The following AGBL4 variants were observed in gnomAD, a reference collection of about 807,000 sequenced individuals.
The protein encoded by AGBL4 is AGBL carboxypeptidase 4.
Under a neutral mutation model 66.4 loss-of-function variants are expected in AGBL4, and 58 were observed. The ratio of observed to expected loss-of-function variants is 0.87; its 90% confidence interval spans 0.71 to 1.09. The LOEUF is 1.09. AGBL4 is among the 50% of genes least tolerant of loss of function. AGBL4 has a pLI of 0.00. For synonymous variants in AGBL4, 234 were observed against 222.9 expected (o/e 1.05, Z -0.44); for missense variants, 579 against 631.0 (o/e 0.92, Z 0.88).
chr1:49,827,286 TA>T (rs1327099563), intron 2 of AGBL4, among the ~76,000 whole-genome samples: 10 of 151,844 alleles, frequency 6.6e-5, no homozygotes, highest in Non-Finnish European at 2.9e-5. Flanking sequence ...AAAAATCAGT[TA>T]AAAACATTAA....
At chr1:49,158,289 A>G (rs1179591359) in intron 4 of AGBL4, among the ~76,000 whole-genome samples, 1 of 152,200 alleles carries the variant, frequency 6.6e-6, no homozygotes, top group Non-Finnish European at 1.5e-5. Context: ...CATGACAAAA[A>G]CACCAAAAGC....
At chr1:49,014,194 C>T (rs1662651937) in intron 5 of AGBL4, among the ~76,000 whole-genome samples, 1 of 152,182 alleles carries the variant, frequency 6.6e-6, no homozygotes, top group Admixed American at 6.5e-5. Flanking sequence ...GGAATCTTGT[C>T]AACTAAGGTT....
intron 2 of AGBL4, among the ~76,000 whole-genome samples, chr1:49,735,244 T>C (rs1649768725): frequency 6.6e-6 from 1 of 151,524 alleles, no homozygotes; most frequent in Admixed American, 6.6e-5. Context: ...ATTATCCAGG[T>C]AAGCTCATTG....
intron 8 of AGBL4, among the ~76,000 whole-genome samples, chr1:48,645,490 G>C (rs1377701352): frequency 6.6e-6 from 1 of 152,170 alleles, no homozygotes; most frequent in Non-Finnish European, 1.5e-5. Context: ...AGGCTGAGGA[G>C]AGCTCAATGT....
chr1:48,966,504 T>C (rs186872707), intron 5 of AGBL4, among the ~76,000 whole-genome samples: 58 of 152,246 alleles, frequency 3.8e-4, no homozygotes, highest in African/African-American at 1.3e-3. Context: ...AAACAGTCAT[T>C]GAGAGTCTTA....
chr1:48,707,092 G>A (rs1291047065), intron 6 of AGBL4, among the ~76,000 whole-genome samples: 3 of 152,168 alleles, frequency 2.0e-5, no homozygotes, highest in Admixed American at 1.3e-4. Flanking sequence ...CCGGGAGTTC[G>A]AGACCAGCCT....
chr1:49,855,908 A>G (rs906112858), intron 1 of AGBL4, among the ~76,000 whole-genome samples: 3 of 152,144 alleles, frequency 2.0e-5, no homozygotes, highest in African/African-American at 7.2e-5. Flanking sequence ...TCAAAGCAGA[A>G]CTAAGCAAAA....
At chr1:49,095,313 T>C (rs1645075263) in intron 4 of AGBL4, among the ~76,000 whole-genome samples, 2 of 152,160 alleles carry the variant, frequency 1.3e-5, no homozygotes, top group Admixed American at 6.5e-5. Context: ...ATGACTTTCT[T>C]CACAAAATTT....
rs115545580 is a variant in AGBL4, at chr1:49,820,880, A to G, written c.157+30516T>C. ...GTTAAGCGCACTTAGTCAAGTCACAACTTCTCTAAATCTTAATTTCTTCAA... is the reference window on the plus strand; with the variant it reads ...GTTAAGCGCACTTAGTCAAGTCACAGCTTCTCTAAATCTTAATTTCTTCAA... On this transcript the variant is annotated intron_variant, in intron 2 of 13. Coordinates refer to ENST00000371839, the MANE Select transcript of AGBL4 (RefSeq NM_032785.4). Among the ~76,000 whole-genome samples the G allele has an allele frequency of 3.4e-3, 518 of 152,294 alleles. 4 individuals are homozygous for G. Among genetic ancestry groups the G allele is most frequent in the African/African-American group, 0.012 (502 of 41,572 alleles).
chr1:48,697,326 CTT>C lies in AGBL4; in HGVS notation c.635-34087_635-34086del, dbSNP rs373806125. ...TCCAGCATGGCGCCCTGAGAATCCACTTTGTTCTTTCTACAGAAAGGCTAGGG... is the reference window on the plus strand; with the variant it reads ...TCCAGCATGGCGCCCTGAGAATCCACTGTTCTTTCTACAGAAAGGCTAGGG... On this transcript the variant is annotated intron_variant, in intron 6 of 13. Transcript: ENST00000371839. Among the ~76,000 whole-genome samples, 101 of 152,284 alleles carry C rather than the reference CTT, an allele frequency of 6.6e-4. 1 individual carries two copies. In the South Asian group the frequency reaches 9.1e-3, roughly 14 times the overall value.
At chr1:48,694,813 G>A (rs990068194) in intron 6 of AGBL4, among the ~76,000 whole-genome samples, 1 of 151,814 alleles carries the variant, frequency 6.6e-6, no homozygotes, top group East Asian at 1.9e-4. Flanking sequence ...TCAGCTGCCC[G>A]ACCCCCAATA....
the AGBL4 span, among the ~76,000 whole-genome samples, chr1:48,522,522 T>G: frequency 7.9e-5 from 12 of 152,344 alleles, no homozygotes; most frequent in Admixed American, 2.6e-4. Flanking sequence ...TAATCAACAC[T>G]TAAGATAAAA....
At chr1:49,779,677 AAAACGT>A (rs1320409671) in intron 2 of AGBL4, among the ~76,000 whole-genome samples, 2 of 152,150 alleles carry the variant, frequency 1.3e-5, no homozygotes, top group Non-Finnish European at 2.9e-5. Context: ...CTCCTTCCCC[AAAACGT>A]AAATTAGCTG....
At chr1:48,643,125 G>A (rs1404910758) in intron 8 of AGBL4, among the ~76,000 whole-genome samples, 1 of 152,160 alleles carries the variant, frequency 6.6e-6, no homozygotes, top group Non-Finnish European at 1.5e-5. Context: ...TGTTCTTGTG[G>A]TTTGCTCTTG....
At chr1:49,983,412 T>C (rs575622337) in intron 1 of AGBL4, among the ~76,000 whole-genome samples, 2 of 152,226 alleles carry the variant, frequency 1.3e-5, no homozygotes, top group Non-Finnish European at 2.9e-5. Flanking sequence ...GCAGCCAGCA[T>C]GCCTGGCTGT....
At chr1:49,423,914 A>G (rs1339180729) in intron 3 of AGBL4, among the ~76,000 whole-genome samples, 1 of 152,122 alleles carries the variant, frequency 6.6e-6, no homozygotes, top group African/African-American at 2.4e-5. Context: ...TAGTGAATAA[A>G]ATAGGCAAAA....
At chr1:48,857,235 A>C (rs1647195309) in intron 6 of AGBL4, among the ~76,000 whole-genome samples, 1 of 152,208 alleles carries the variant, frequency 6.6e-6, no homozygotes, top group African/African-American at 2.4e-5. Context: ...AAATATCTAT[A>C]ACAATTTGAC....
At chr1:49,550,402 G>A (rs1389505045) in intron 3 of AGBL4, among the ~76,000 whole-genome samples, 1 of 152,126 alleles carries the variant, frequency 6.6e-6, no homozygotes, top group African/African-American at 2.4e-5. Context: ...AGTCCTGTGT[G>A]ATTTATGCTT....
chr1:49,187,101 G>A (rs1031736389), intron 4 of AGBL4: 2 of 152,152 alleles, frequency 1.3e-5, no homozygotes, highest in Admixed American at 1.3e-4. Context: ...TCAGAATTAA[G>A]TACAAAGGGA....
Sources: allele counts gnomAD v4.1 joint callset (sites outside exome capture counted in the v4.1 genomes callset), GRCh38; gene constraint gnomAD v4.1.1; transcripts MANE v1.5; gene names NCBI Gene and HGNC (gene_info 2026-07-23, HGNC 2026-07-21).